Variants in PRKAR1B observed in about 807,000 individuals in gnomAD.
PRKAR1B encodes protein kinase cAMP-dependent type I regulatory subunit beta.
In PRKAR1B, 22 loss-of-function variants were observed where a neutral mutation model predicts 46.5. The observed-to-expected ratio is 0.47, with a 90% CI of 0.34 to 0.68. The LOEUF (loss-of-function observed/expected upper bound fraction) is 0.68, where lower values mean the gene tolerates loss of function less well. Ranked by LOEUF, PRKAR1B falls within the 30% of genes least tolerant of loss-of-function variation. The probability of loss-of-function intolerance (pLI) is 0.01; values close to 1 mark genes in which losing one functional copy is unlikely to be tolerated. For synonymous variants in PRKAR1B, 259 were observed against 217.7 expected (o/e 1.19, Z -1.67); for missense variants, 445 against 535.6 (o/e 0.83, Z 1.67).
At chr7:587,948 C>T (rs929095222) in intron 7 of PRKAR1B, among the ~76,000 whole-genome samples, 15 of 152,228 alleles carry the variant, frequency 9.9e-5, no homozygotes, top group Admixed American at 2.6e-4. Context: ...CGCAAGTCCC[C>T]GAGGCACAGC....
chr7:638,065 C>T (rs532114486), intron 4 of PRKAR1B, among the ~76,000 whole-genome samples: 2 of 152,346 alleles, frequency 1.3e-5, no homozygotes, highest in Admixed American at 6.5e-5. Context: ...GACCCTGTGC[C>T]CACCTAGCTG....
chr7:561,634 G>A (rs1022027097), intron 9 of PRKAR1B, among the ~76,000 whole-genome samples: 3 of 152,180 alleles, frequency 2.0e-5, no homozygotes, highest in Non-Finnish European at 4.4e-5. Flanking sequence ...TGGCCGAGAC[G>A]GAACTGATGT....
intron 4 of PRKAR1B, among the ~76,000 whole-genome samples, chr7:655,354 C>A (rs942337855): frequency 1.3e-5 from 2 of 152,194 alleles, no homozygotes; most frequent in Non-Finnish European, 2.9e-5. Flanking sequence ...CTTGGACAAC[C>A]AGGCATGCCC....
intron 4 of PRKAR1B, among the ~76,000 whole-genome samples, chr7:640,525 G>C (rs987055222): frequency 6.6e-6 from 1 of 152,136 alleles, no homozygotes; most frequent in Non-Finnish European, 1.5e-5. Flanking sequence ...CACTTCGGGA[G>C]GCCGAGGCGG....
intron 1 of PRKAR1B, among the ~76,000 whole-genome samples, chr7:721,994 T>C (rs1300680238): frequency 2.6e-5 from 4 of 152,092 alleles, no homozygotes; most frequent in Non-Finnish European, 5.9e-5. Context: ...AATTGTGATG[T>C]GTCTTAGTAT....
At chr7:588,440 A>AGTGGTGATGGTGATGGTGATG (rs1189854489) in intron 7 of PRKAR1B, among the ~76,000 whole-genome samples, 2 of 130,110 alleles carry the variant, frequency 1.5e-5, no homozygotes, top group Admixed American at 7.9e-5. Context: ...GGATAGTGAC[A>AGTGGTGATGGTGATGGTGATG]GTGGTGATGG....
In PRKAR1B at chr7:605,239, C is replaced by G. The variant is rs558600936; in HGVS notation, c.549+954G>C. Reference sequence around the variant, plus strand: ...AGGATGATGTCACTGAGGTCCTTCCCGCTGACTCCGCAGGGGCTCGGGCCT... The same window carrying G: ...AGGATGATGTCACTGAGGTCCTTCCGGCTGACTCCGCAGGGGCTCGGGCCT... On this transcript the variant is annotated intron_variant, in intron 6 of 10. Transcript: ENST00000537384. Among the ~76,000 whole-genome samples, 451 of 152,346 alleles carry G rather than the reference C, an allele frequency of 3.0e-3. 3 individuals are homozygous for G. The highest frequency in any genetic ancestry group is 0.01 in the African/African-American group (423 of 41,578).
At chr7:590,890 G>C (rs1394498332) in intron 7 of PRKAR1B, among the ~76,000 whole-genome samples, 2 of 152,198 alleles carry the variant, frequency 1.3e-5, no homozygotes, top group Non-Finnish European at 2.9e-5. Context: ...AGGCCCGTCG[G>C]CAGCAGAAAG....
intron 2 of PRKAR1B, among the ~76,000 whole-genome samples, chr7:700,649 A>G (rs1270273677): frequency 1.3e-5 from 2 of 152,138 alleles, no homozygotes; most frequent in Admixed American, 6.5e-5. Context: ...GGGAATCAGC[A>G]AAGAAATCAA....
chr7:556,865 G>A (rs1778476575), intron 9 of PRKAR1B, among the ~76,000 whole-genome samples: 1 of 152,218 alleles, frequency 6.6e-6, no homozygotes, highest in Admixed American at 6.5e-5. Context: ...CTGGGGCCGG[G>A]AAAGTCTGCG....
intron 2 of PRKAR1B, among the ~76,000 whole-genome samples, chr7:692,454 A>T (rs1583427106): frequency 6.6e-6 from 1 of 151,604 alleles, no homozygotes; most frequent in African/African-American, 2.4e-5. Flanking sequence ...GAAGGAGAAG[A>T]GAAGAGGAGA....
At chr7:643,657 G>A (rs964598698) in intron 4 of PRKAR1B, among the ~76,000 whole-genome samples, 1 of 147,308 alleles carries the variant, frequency 6.8e-6, no homozygotes, top group African/African-American at 2.7e-5. Flanking sequence ...GGGAGGTGGA[G>A]GTTGCAGTGA....
At chr7:561,239 C>G (rs1256503444) in intron 9 of PRKAR1B, among the ~76,000 whole-genome samples, 1 of 151,612 alleles carries the variant, frequency 6.6e-6, no homozygotes, top group African/African-American at 2.4e-5. Flanking sequence ...TGTGCGCACA[C>G]ACCTAGGCAC....
chr7:717,399 G>A (rs188567094), intron 1 of PRKAR1B, among the ~76,000 whole-genome samples: 2 of 152,262 alleles, frequency 1.3e-5, no homozygotes, highest in Admixed American at 1.3e-4. Context: ...GCTCATGCCT[G>A]CAATCCCAGA....
chr7:596,579 A>G (rs998528005), intron 6 of PRKAR1B, among the ~76,000 whole-genome samples: 7 of 152,064 alleles, frequency 4.6e-5, no homozygotes, highest in African/African-American at 1.4e-4. Context: ...TGAGACAACC[A>G]CACCAGAGGC....
Position 711,375 on chromosome 7 carries a change from T to G in PRKAR1B, c.131A>C (p.Glu44Ala), listed in dbSNP as rs1199257560. The change falls in exon 2 of 11, where the codon GAA (glutamate) becomes GCA (alanine). Residue 44 changes from glutamate to alanine, a missense_variant. Around this residue, in one of 5 missense-constraint regions of PRKAR1B, gnomAD observed 155 missense variants for 127.5 expected, o/e 1.22. Coordinates refer to ENST00000537384, the MANE Select transcript of PRKAR1B (RefSeq NM_001164760.2). The part of the protein sequence containing the change: ...CIVHLCISKP[E>A]RPMKFLREHF... ...CTCCCGGAGGAACTTCATGGGGCGT[T>G]CGGGCTTGGAGATGCAGAGGTGGAC... The G allele has an allele frequency of 6.2e-7, 1 of 1,614,180 alleles. No individual in the cohort carries two copies. Among genetic ancestry groups the G allele is most frequent in the East Asian group, 2.2e-5 (1 of 44,874 alleles).
chr7:646,239 T>C (rs1249677344), intron 4 of PRKAR1B, among the ~76,000 whole-genome samples: 1 of 152,200 alleles, frequency 6.6e-6, no homozygotes, highest in East Asian at 1.9e-4. Flanking sequence ...AGACAGGGTC[T>C]TCCTATGTTC....
intron 7 of PRKAR1B, among the ~76,000 whole-genome samples, chr7:586,296 T>C (rs937681184): frequency 6.6e-5 from 10 of 152,248 alleles, no homozygotes; most frequent in African/African-American, 2.4e-4. Context: ...CCACACCCTG[T>C]GTGCTCTGTC....
At chr7:727,935 C>A (rs1057234100), upstream of PRKAR1B, among the ~76,000 whole-genome samples, 5 of 151,632 alleles carry the variant, frequency 3.3e-5, no homozygotes, top group Non-Finnish European at 7.4e-5. Context: ...TAGCTGCCCC[C>A]TTTCCTTCCC....
Sources: gnomAD v4.1 joint callset for allele counts (sites outside exome capture counted in the v4.1 genomes callset) on GRCh38, gnomAD v4.1.1 for gene constraint, gnomAD v4.1.1 regional missense constraint, MANE v1.5 for transcripts, NCBI Gene and HGNC (gene_info 2026-07-23, HGNC 2026-07-21) for gene names.